The following DAB1 variants were observed in gnomAD, a reference collection of about 807,000 sequenced individuals.
DAB1 encodes the protein DAB adaptor protein 1, also known as disabled homolog 1.
A neutral mutation model predicts 64.6 loss-of-function variants in DAB1; 15 were observed. The observed-to-expected ratio is 0.23, with a 90% CI of 0.16 to 0.36. The LOEUF is 0.36. Among genes scored for constraint, DAB1 ranks in the 10% least tolerant of loss-of-function variants. The probability of loss-of-function intolerance (pLI) is 1.00; values close to 1 mark genes in which losing one functional copy is unlikely to be tolerated. For synonymous variants in DAB1, 235 were observed against 251.9 expected (o/e 0.93, Z 0.64); for missense variants, 596 against 706.7 (o/e 0.84, Z 1.78).
At chr1:58,291,424 C>G (rs1038689430) in intron 4 of DAB1, among the ~76,000 whole-genome samples, 1 of 152,186 alleles carries the variant, frequency 6.6e-6, no homozygotes, top group Non-Finnish European at 1.5e-5. Context: ...GAAGGCTCCA[C>G]TACTTGATTT....
At chr1:57,648,745 ATGCT>A (rs1646223134) in intron 7 of DAB1, among the ~76,000 whole-genome samples, 1 of 152,168 alleles carries the variant, frequency 6.6e-6, no homozygotes, top group Admixed American at 6.5e-5. Context: ...TTAATTTTCT[ATGCT>A]TGTCTGGCTG....
chr1:57,074,691 C>T (rs1651822330), intron 4 of DAB1, among the ~76,000 whole-genome samples: 1 of 152,182 alleles, frequency 6.6e-6, no homozygotes, highest in Admixed American at 6.5e-5. Flanking sequence ...GCCCAGGCTG[C>T]CCACTGGCCA....
At chr1:57,449,339 A>G (rs569092914) in intron 7 of DAB1, among the ~76,000 whole-genome samples, 1 of 151,506 alleles carries the variant, frequency 6.6e-6, no homozygotes, top group Non-Finnish European at 1.5e-5. Flanking sequence ...TCACCACATC[A>G]GTGGAGTCTC....
chr1:57,307,609 T>C (rs530710130), intron 1 of DAB1, among the ~76,000 whole-genome samples: 1 of 152,060 alleles, frequency 6.6e-6, no homozygotes, highest in East Asian at 1.9e-4. Context: ...GTCTGTTGAA[T>C]CTGGACCACA....
intron 7 of DAB1, among the ~76,000 whole-genome samples, chr1:57,487,854 T>C (rs1644111646): frequency 6.6e-6 from 1 of 152,228 alleles, no homozygotes; most frequent in Non-Finnish European, 1.5e-5. Flanking sequence ...TTTTTAACGC[T>C]GACTAATATT....
chr1:57,591,939 G>A (rs1015981094), intron 7 of DAB1, among the ~76,000 whole-genome samples: 3 of 152,130 alleles, frequency 2.0e-5, no homozygotes, highest in African/African-American at 4.8e-5. Context: ...ACCTTCTTGC[G>A]CAAGGATCCT....
Position 57,108,157 on chromosome 1 carries a change from C to T in DAB1, c.306+28386G>A, listed in dbSNP as rs368162674. ...TCCAATCAAGGCTGTAGGGTAAAAA[C>T]GCAAAATATCCCAGCACAATATATT... is the stretch of plus-strand genomic sequence containing the variant. On this transcript the variant is annotated intron_variant, in intron 4 of 14. Coordinates refer to ENST00000371236, the MANE Select transcript of DAB1 (RefSeq NM_001365792.1). Among the ~76,000 whole-genome samples the T allele has an allele frequency of 3.1e-4, 47 of 152,196 alleles. 1 individual carries two copies. Among genetic ancestry groups the T allele is most frequent in the East Asian group, 9.7e-4 (5 of 5,170 alleles).
At chr1:57,508,128 A>G (rs1171198460) in intron 7 of DAB1, among the ~76,000 whole-genome samples, 1 of 152,190 alleles carries the variant, frequency 6.6e-6, no homozygotes, top group Non-Finnish European at 1.5e-5. Flanking sequence ...TGCCCTCCTC[A>G]CATCCCGGGG....
chr1:57,292,823 C>T lies in DAB1; in HGVS notation c.-136-1657G>A, dbSNP rs186191722. Among the ~76,000 whole-genome samples the T allele has an allele frequency of 3.3e-5, 5 of 151,992 alleles. No individual in the cohort carries two copies. The South Asian group carries it at 6.2e-4, about 19-fold the overall frequency. ...ACAGAGGTATCAGTCATGTAAGGGA[C>T]GGCAACACACACATGTGAGCAAAAC... On this transcript the variant is annotated intron_variant, in intron 1 of 14. Transcript: ENST00000371236.
intron 4 of DAB1, among the ~76,000 whole-genome samples, chr1:58,172,970 T>G (rs955218442): frequency 6.6e-6 from 1 of 152,246 alleles, no homozygotes; most frequent in African/African-American, 2.4e-5. Context: ...TATGGAGTTA[T>G]TGCACTCAGT....
intron 1 of DAB1, among the ~76,000 whole-genome samples, chr1:58,544,113 C>G (rs1306760654): frequency 6.6e-6 from 1 of 152,024 alleles, no homozygotes; most frequent in Non-Finnish European, 1.5e-5. Flanking sequence ...CTTGCTGTGG[C>G]CAAATGATTC....
chr1:57,544,445 G>GT (rs1558478535), intron 7 of DAB1, among the ~76,000 whole-genome samples: 1 of 152,198 alleles, frequency 6.6e-6, no homozygotes, highest in Non-Finnish European at 1.5e-5. Context: ...CGACTGGGTT[G>GT]TGTTGTCTAA....
At chr1:58,414,362 A>G (rs1210604798) in intron 3 of DAB1, among the ~76,000 whole-genome samples, 1 of 152,180 alleles carries the variant, frequency 6.6e-6, no homozygotes, top group African/African-American at 2.4e-5. Context: ...GTTACCACTG[A>G]TATGTGCTCT....
At chr1:57,026,140 T>A in intron 9 of DAB1, 97 bp from the exon 10 acceptor site, 4 of 879,904 alleles carry the variant, frequency 4.5e-6, no homozygotes, top group Non-Finnish European at 7.2e-6. Context: ...CACATTTCTG[T>A]TTTTCATCAT....
chr1:57,917,384 G>A (rs140995564), intron 5 of DAB1, among the ~76,000 whole-genome samples: 1 of 152,248 alleles, frequency 6.6e-6, no homozygotes, highest in Admixed American at 6.5e-5. Flanking sequence ...GAAAAAGGAA[G>A]GCTCATTTAG....
chr1:57,911,888 G>C (rs1644650095), intron 5 of DAB1, among the ~76,000 whole-genome samples: 1 of 152,090 alleles, frequency 6.6e-6, no homozygotes, highest in Non-Finnish European at 1.5e-5. Flanking sequence ...ACTAATCTCT[G>C]CTTCACTTCA....
chr1:57,647,720 C>A (rs892557302), intron 7 of DAB1, among the ~76,000 whole-genome samples: 3 of 152,300 alleles, frequency 2.0e-5, no homozygotes, highest in African/African-American at 7.2e-5. Context: ...CTTCAAAGGT[C>A]TTTTGGCACA....
intron 3 of DAB1, among the ~76,000 whole-genome samples, chr1:58,464,256 A>G (rs1200681264): frequency 1.3e-5 from 2 of 152,222 alleles, no homozygotes; most frequent in Non-Finnish European, 2.9e-5. Flanking sequence ...GTGTATTGTC[A>G]TGCATACACT....
At chr1:57,306,828 T>G (rs1034304785) in intron 1 of DAB1, 1 of 152,236 alleles carries the variant, frequency 6.6e-6, no homozygotes, top group African/African-American at 2.4e-5. Flanking sequence ...GGCAGCTCTG[T>G]ATATTTGATA....
Sources: gnomAD v4.1 joint callset for allele counts (sites outside exome capture counted in the v4.1 genomes callset) on GRCh38, gnomAD v4.1.1 for gene constraint, MANE v1.5 for transcripts, NCBI Gene and HGNC (gene_info 2026-07-23, HGNC 2026-07-21) for gene names.